The following IHO1 variants were observed in gnomAD, a reference collection of about 807,000 sequenced individuals.
IHO1 encodes the protein interactor of HORMAD1 protein 1.
A neutral mutation model predicts 31.0 loss-of-function variants in IHO1; 13 were observed. That is an observed-to-expected ratio of 0.42 (90% CI 0.27 to 0.67). The LOEUF (loss-of-function observed/expected upper bound fraction) is 0.67. IHO1 is among the 30% of genes least tolerant of loss of function. IHO1 has a pLI of 0.24. For synonymous variants in IHO1, 221 were observed against 248.4 expected (o/e 0.89, Z 1.04); for missense variants, 599 against 687.5 (o/e 0.87, Z 1.44).
chr3:49,211,008 T>G (rs868516442), intron 1 of IHO1, among the ~76,000 whole-genome samples: 424 of 140,272 alleles, frequency 3.0e-3, no homozygotes, highest in African/African-American at 0.01. Flanking sequence ...TCCATTTAGT[T>G]TTTTTTTTTT....
intron 3 of IHO1, among the ~76,000 whole-genome samples, chr3:49,239,016 A>G (rs1055402412): frequency 6.6e-6 from 1 of 152,110 alleles, no homozygotes; most frequent in African/African-American, 2.4e-5. Flanking sequence ...TTTTCTCTTT[A>G]CATCTCCTGC....
intron 1 of IHO1, chr3:49,199,776 C>G (rs890555563): frequency 4.6e-5 from 7 of 152,318 alleles, no homozygotes; most frequent in Admixed American, 1.3e-4. Flanking sequence ...GCTTCACTTC[C>G]GCGCTTATCC....
intron 2 of IHO1, among the ~76,000 whole-genome samples, chr3:49,223,164 G>A (rs2046374686): frequency 6.6e-6 from 1 of 152,218 alleles, no homozygotes; most frequent in Non-Finnish European, 1.5e-5. Context: ...TGTCCATACA[G>A]CATTTCATAT....
At chr3:49,247,324 G>A (rs930515543) in intron 6 of IHO1, among the ~76,000 whole-genome samples, 2 of 151,754 alleles carry the variant, frequency 1.3e-5, no homozygotes, top group African/African-American at 4.8e-5. Flanking sequence ...CTTCCTCCCG[G>A]GTTCAAGCCA....
intron 2 of IHO1, among the ~76,000 whole-genome samples, chr3:49,231,606 A>C (rs1016106378): frequency 6.6e-6 from 1 of 152,232 alleles, no homozygotes; most frequent in African/African-American, 2.4e-5. Flanking sequence ...TAATGATTTC[A>C]TACAGATGAA....
chr3:49,200,478 A>T, intron 1 of IHO1: 4 of 358,686 alleles, frequency 1.1e-5, no homozygotes, highest in Non-Finnish European at 1.0e-5. Flanking sequence ...AAAAAAAAAA[A>T]GAAAGAAAGA....
chr3:49,225,185 G>T (rs780559096), intron 2 of IHO1, among the ~76,000 whole-genome samples: 1 of 152,200 alleles, frequency 6.6e-6, no homozygotes, highest in Non-Finnish European at 1.5e-5. Flanking sequence ...AGAAGTTTTG[G>T]CTGGGCGCAG....
chr3:49,224,157 AC>A (rs1424397482), intron 2 of IHO1, among the ~76,000 whole-genome samples: 1 of 152,104 alleles, frequency 6.6e-6, no homozygotes, highest in Non-Finnish European at 1.5e-5. Flanking sequence ...GTTGTTAACC[AC>A]CCCGAGGGGA....
chr3:49,204,203 A>G (rs1406365319), intron 1 of IHO1, among the ~76,000 whole-genome samples: 5 of 152,024 alleles, frequency 3.3e-5, no homozygotes, highest in Non-Finnish European at 2.9e-5. Context: ...TAACAGTCCT[A>G]CCTCTTAATA....
intron 2 of IHO1, among the ~76,000 whole-genome samples, chr3:49,214,607 CATATATATATATAT>C (rs1311032715): frequency 8.1e-5 from 2 of 24,788 alleles, no homozygotes; most frequent in African/African-American, 3.0e-4. Context: ...ATTTCTAGAT[CATATATATATATAT>C]ATATATATAT....
At chr3:49,218,659 C>T (rs1261139159) in intron 2 of IHO1, among the ~76,000 whole-genome samples, 2 of 152,098 alleles carry the variant, frequency 1.3e-5, no homozygotes, top group Non-Finnish European at 2.9e-5. Flanking sequence ...GGATTATAGA[C>T]GTGAGCCACT....
chr3:49,232,192 A>G (rs1389097093), intron 2 of IHO1, among the ~76,000 whole-genome samples: 2 of 152,230 alleles, frequency 1.3e-5, no homozygotes, highest in Non-Finnish European at 2.9e-5. Flanking sequence ...TAAACACATT[A>G]CTGACATTCC....
chr3:49,248,417 AAAAACAAAAC>A (rs139167372), intron 6 of IHO1, among the ~76,000 whole-genome samples: 68 of 148,936 alleles, frequency 4.6e-4, no homozygotes, highest in Middle Eastern at 3.5e-3. Flanking sequence ...AGACTCTCTC[AAAAACAAAAC>A]AAAACAAAAC....
the IHO1 span, among the ~76,000 whole-genome samples, chr3:49,192,749 A>G: frequency 6.6e-6 from 1 of 152,102 alleles, no homozygotes; most frequent in Non-Finnish European, 1.5e-5. Context: ...TACAAAAATC[A>G]GCTGGGTGTG....
chr3:49,200,254 C>T (rs1456867478), intron 1 of IHO1, among the ~76,000 whole-genome samples: 1 of 152,054 alleles, frequency 6.6e-6, no homozygotes, highest in South Asian at 2.1e-4. Flanking sequence ...CTCCTGAGGT[C>T]AGGAGCTCGA....
Position 49,255,510 on chromosome 3 carries a change from A to G in IHO1, c.636+17A>G, listed in dbSNP as rs370981332. 2.0e-6 allele frequency: 3 copies of G among 1,496,964 alleles called. No homozygotes were observed. Among genetic ancestry groups the G allele is most frequent in the African/African-American group, 2.9e-5 (2 of 69,676 alleles). The allele number at this position is 1,496,964 out of a possible 1,614,324, so 92.7% of individuals were successfully genotyped here. ...TTTGAAGCTGTAAGTGTAAACCCCA[A>G]CCTCTTTCTAAGTGTGTTTTGGGCT... On this transcript the variant is annotated intron_variant, in intron 7 of 7. Coordinates refer to ENST00000452691, the MANE Select transcript of IHO1 (RefSeq NM_001135197.2).
At chr3:49,214,629 TATA>T (rs1373287680) in intron 2 of IHO1, among the ~76,000 whole-genome samples, 45 of 49,058 alleles carry the variant, frequency 9.2e-4, no homozygotes, top group Middle Eastern at 0.01. Flanking sequence ...TATATATATA[TATA>T]TTTTTTTTTT....
In IHO1 at chr3:49,256,149, A is replaced by G; in HGVS notation, c.652A>G (p.Ile218Val). 1 of 1,609,824 alleles carries G rather than the reference A, an allele frequency of 6.2e-7. No homozygotes were observed. The highest frequency in any genetic ancestry group is 8.5e-7 in the Non-Finnish European group (1 of 1,178,106). Reference protein sequence around the residue: ...KRFEARQGEFIEMKSNLKHLE... With the variant: ...KRFEARQGEFVEMKSNLKHLE... The stretch of plus-strand genomic sequence containing the variant: ...CTCTCCCCAGAGACAAGGAGAGTTT[A>G]TAGAAATGAAGTCCAACCTGAAGCA... Residue 218 changes from isoleucine to valine, a missense_variant, in exon 8 of 8, where the codon ATA (isoleucine) becomes GTA (valine). Transcript: ENST00000452691. This position sits in a 1 kb window ranked among gnomAD's most constrained non-coding sequence, Gnocchi z 4.6.
At chr3:49,239,559 C>T (rs547442754) in intron 3 of IHO1, among the ~76,000 whole-genome samples, 12 of 152,188 alleles carry the variant, frequency 7.9e-5, no homozygotes, top group East Asian at 1.9e-4. Flanking sequence ...GGATTACAGG[C>T]GTGAGCCCCC....
Sources: gnomAD v4.1 joint callset for allele counts (sites outside exome capture counted in the v4.1 genomes callset) on GRCh38, gnomAD v4.1.1 for gene constraint, Gnocchi (gnomAD v3.1) non-coding constraint, MANE v1.5 for transcripts, NCBI Gene and HGNC (gene_info 2026-07-23, HGNC 2026-07-21) for gene names.